GSE1: variants seen among roughly 807,000 people sequenced by gnomAD.
GSE1 encodes the protein Gse1 coiled-coil protein, also known as genetic suppressor element 1.
A neutral mutation model predicts 112.6 loss-of-function variants in GSE1; 32 were observed. The observed-to-expected ratio is 0.28, with a 90% CI of 0.21 to 0.38. The LOEUF is 0.38. Ranked by LOEUF, GSE1 falls within the 10% of genes least tolerant of loss-of-function variation. The pLI is 1.00. For synonymous variants in GSE1, 1,115 were observed against 735.6 expected (o/e 1.52, Z -8.35); for missense variants, 2,348 against 1,699.2 (o/e 1.38, Z -6.71).
Position 85,657,442 on chromosome 16 carries a change from A to T in GSE1, c.1478A>T (p.Glu493Val). 6.2e-7 allele frequency: 1 copy of T among 1,612,506 alleles called. No individual in the cohort carries two copies. Among genetic ancestry groups the T allele is most frequent in the Non-Finnish European group, 8.5e-7 (1 of 1,179,724 alleles). Residue 493 changes from glutamate to valine, a missense_variant, in exon 8 of 16, where the codon GAG (glutamate) becomes GTG (valine). Physicochemically the swap from Glu to Val is moderately radical, Grantham distance 121. Coordinates refer to ENST00000253458, the MANE Select transcript of GSE1 (RefSeq NM_014615.5). ...ATALLIQRTNEEEKWLARQRR... is the reference protein window; with the variant it reads ...ATALLIQRTNVEEKWLARQRR... ...GCCCTGCTGATCCAGCGCACCAATG[A>T]GGAGGAGAAGTGGCTGGCGCGGCAG...
At chr16:85,582,092 T>C (rs2046471084) in intron 1 of GSE1, 1 of 152,012 alleles carries the variant, frequency 6.6e-6, no homozygotes, top group Admixed American at 6.6e-5. Flanking sequence ...TGGGGCGGAA[T>C]TGGGTGGGGA....
intron 1 of GSE1, among the ~76,000 whole-genome samples, chr16:85,217,289 C>T (rs754319044): frequency 5.3e-5 from 8 of 152,286 alleles, no homozygotes; most frequent in Admixed American, 1.3e-4. Context: ...AGGCCCTGGA[C>T]GGGATGTGCC....
intron 1 of GSE1, among the ~76,000 whole-genome samples, chr16:85,224,085 G>A (rs766374382): frequency 1.2e-4 from 18 of 151,900 alleles, no homozygotes; most frequent in South Asian, 2.1e-4. Context: ...CTCCCTTGGC[G>A]ATTCTGGGGG....
At chr16:85,244,573 G>T (rs1905433904) in intron 1 of GSE1, among the ~76,000 whole-genome samples, 1 of 152,216 alleles carries the variant, frequency 6.6e-6, no homozygotes, top group East Asian at 1.9e-4. Context: ...AACCAGGCCA[G>T]GTGCAGTGGC....
At chr16:85,604,171 C>T (rs1366777332) in intron 1 of GSE1, among the ~76,000 whole-genome samples, 1 of 152,276 alleles carries the variant, frequency 6.6e-6, no homozygotes, top group East Asian at 1.9e-4. Flanking sequence ...AGCAGCCACT[C>T]CCCTCTCCCC....
intron 1 of GSE1, among the ~76,000 whole-genome samples, chr16:85,590,241 C>T (rs555857216): frequency 4.7e-5 from 7 of 149,634 alleles, no homozygotes; most frequent in South Asian, 2.2e-4. Context: ...CGTGTGTGAA[C>T]GTGTGGGCCC....
At chr16:85,335,204 C>A (rs1050430017) in intron 1 of GSE1, among the ~76,000 whole-genome samples, 1 of 152,252 alleles carries the variant, frequency 6.6e-6, no homozygotes, top group Non-Finnish European at 1.5e-5. Flanking sequence ...TTTTCTCTCC[C>A]TACACCCATC....
At chr16:85,668,105 C>T in intron 13 of GSE1, 35 bp from the exon 14 acceptor site, 3 of 1,514,050 alleles carry the variant, frequency 2.0e-6, no homozygotes, top group African/African-American at 1.4e-5. Flanking sequence ...GTCCCTTCCC[C>T]CAACACACTG....
At chr16:85,425,688 T>A (rs2048961959) in intron 2 of GSE1, among the ~76,000 whole-genome samples, 1 of 152,116 alleles carries the variant, frequency 6.6e-6, no homozygotes, top group Middle Eastern at 3.2e-3. Flanking sequence ...CAGCCCCGCT[T>A]ACCCATCGCA....
At chr16:85,604,133 C>A (rs1337622732) in intron 1 of GSE1, among the ~76,000 whole-genome samples, 1 of 152,134 alleles carries the variant, frequency 6.6e-6, no homozygotes, top group Non-Finnish European at 1.5e-5. Flanking sequence ...ACCAAAAGGA[C>A]CACCCCAAAA....
chr16:85,350,773 T>C (rs1424430460), intron 1 of GSE1, among the ~76,000 whole-genome samples: 1 of 152,174 alleles, frequency 6.6e-6, no homozygotes, highest in African/African-American at 2.4e-5. Context: ...AGGCACTGTG[T>C]TGTCACTATC....
intron 1 of GSE1, among the ~76,000 whole-genome samples, chr16:85,238,674 G>A (rs757655271): frequency 5.3e-5 from 8 of 152,202 alleles, no homozygotes; most frequent in East Asian, 1.9e-4. Context: ...GCGGCTTGCC[G>A]CAGGATCTCC....
chr16:85,206,703 C>T (rs955024850), intron 1 of GSE1, among the ~76,000 whole-genome samples: 7 of 151,554 alleles, frequency 4.6e-5, no homozygotes, highest in Non-Finnish European at 7.4e-5. Flanking sequence ...CCAGCGTCCT[C>T]AGCAGGCCCC....
intron 1 of GSE1, among the ~76,000 whole-genome samples, chr16:85,633,017 G>GCTGCCA (rs1017262635): frequency 2.0e-5 from 3 of 150,560 alleles, no homozygotes; most frequent in African/African-American, 7.5e-5. Context: ...CTCTGGTGCC[G>GCTGCCA]CCGCCGCCGC....
intron 2 of GSE1, among the ~76,000 whole-genome samples, chr16:85,411,793 T>C (rs774233220): frequency 7.5e-4 from 8 of 10,600 alleles, no homozygotes; most frequent in African/African-American, 1.1e-3. Flanking sequence ...TAATCCTCAC[T>C]GTTACACTCA....
At chr16:85,225,265 C>T (rs2075464739) in intron 1 of GSE1, among the ~76,000 whole-genome samples, 1 of 152,200 alleles carries the variant, frequency 6.6e-6, no homozygotes, top group Non-Finnish European at 1.5e-5. Context: ...GGAGGACTGC[C>T]CCATAGATTC....
At chr16:85,232,904 GAAT>G (rs746323860) in intron 1 of GSE1, among the ~76,000 whole-genome samples, 13 of 152,266 alleles carry the variant, frequency 8.5e-5, no homozygotes, top group Non-Finnish European at 1.6e-4. Context: ...GTGAATTAAT[GAAT>G]GGCTCCAGGT....
intron 1 of GSE1, among the ~76,000 whole-genome samples, chr16:85,324,348 A>G (rs768667552): frequency 8.5e-5 from 13 of 152,234 alleles, no homozygotes; most frequent in Non-Finnish European, 1.5e-4. Context: ...CGTCTCTACT[A>G]AAAATACAAA....
intron 2 of GSE1, among the ~76,000 whole-genome samples, chr16:85,403,181 G>A (rs1462361834): frequency 2.0e-5 from 3 of 152,152 alleles, no homozygotes; most frequent in Non-Finnish European, 2.9e-5. Context: ...CTCACCACAG[G>A]GATCCTGTGC....
Sources: allele counts gnomAD v4.1 joint callset (sites outside exome capture counted in the v4.1 genomes callset), GRCh38; gene constraint gnomAD v4.1.1; transcripts MANE v1.5; gene names NCBI Gene and HGNC (gene_info 2026-07-23, HGNC 2026-07-21).